The following PLEKHH2 variants were observed in gnomAD, a reference collection of about 807,000 sequenced individuals.
The protein encoded by PLEKHH2 is pleckstrin homology domain-containing family H member 2.
PLEKHH2 carries 129 observed loss-of-function variants against 187.9 expected under a neutral mutation model. The observed-to-expected ratio is 0.69, with a 90% confidence interval of 0.59 to 0.79. PLEKHH2 has a LOEUF of 0.79. Ranked by LOEUF, PLEKHH2 falls within the 30% of genes least tolerant of loss-of-function variation. The pLI, the probability that PLEKHH2 is intolerant of heterozygous loss-of-function variation, is 0.00. For synonymous variants in PLEKHH2, 686 were observed against 605.6 expected, an observed-to-expected ratio of 1.13 and a Z score of -1.95; for missense variants, 2,076 against 1,751.2, an observed-to-expected ratio of 1.19 and a Z score of -3.31.
chr2:43,763,626 A>G (rs1225563514), intron 28 of PLEKHH2, among the ~76,000 whole-genome samples: 1 of 139,338 alleles, frequency 7.2e-6, no homozygotes, highest in African/African-American at 2.7e-5. Flanking sequence ...GGGTCTCCCT[A>G]TGTTGCCCAG....
At chr2:43,744,442 A>T (rs1671693018) in intron 23 of PLEKHH2, among the ~76,000 whole-genome samples, 1 of 152,246 alleles carries the variant, frequency 6.6e-6, no homozygotes, top group South Asian at 2.1e-4. Flanking sequence ...CTTTATACAC[A>T]GATAACCTTG....
intron 16 of PLEKHH2, among the ~76,000 whole-genome samples, chr2:43,724,947 A>G (rs1180533129): frequency 6.6e-6 from 1 of 152,224 alleles, no homozygotes; most frequent in Admixed American, 6.5e-5. Context: ...GGTCATGGAC[A>G]CACACAGACA....
chr2:43,651,855 T>C (rs532247622), intron 2 of PLEKHH2, among the ~76,000 whole-genome samples: 34 of 152,362 alleles, frequency 2.2e-4, no homozygotes, highest in South Asian at 1.4e-3. Flanking sequence ...TTTAAAAAGT[T>C]ATCTTCTGTT....
Position 43,710,045 on chromosome 2 carries a change from T to G in PLEKHH2, c.2022T>G (p.Ala674=), listed in dbSNP as rs1423587958. ...SESDYAIPPD[A]YSTDTEYSQP... ...GTGATTATGCTATTCCTCCTGATGC[T>G]TACTCCACAGACACGGAGTACTCAC... Residue 674 remains alanine, a synonymous_variant, in exon 12 of 30, where the codon GCT becomes GCG. Coordinates refer to ENST00000282406, the MANE Select transcript of PLEKHH2 (RefSeq NM_172069.4). 1.9e-6 allele frequency: 3 copies of G among 1,612,632 alleles called. No individual in the cohort carries two copies. The highest frequency in any genetic ancestry group is 1.7e-5 in the Admixed American group (1 of 59,954).
chr2:43,727,185 G>A (rs144975807), intron 17 of PLEKHH2, among the ~76,000 whole-genome samples: 1,906 of 152,214 alleles, frequency 0.013, 46 homozygotes, highest in African/African-American at 0.042. Context: ...AGGCCGAGGC[G>A]GGTGGATCAC....
intron 2 of PLEKHH2, among the ~76,000 whole-genome samples, chr2:43,654,022 G>A (rs7594100): frequency 0.37 from 56,115 of 151,910 alleles, 10,662 homozygotes; most frequent in Non-Finnish European, 0.41. Context: ...AGAACAGAGA[G>A]CTAAATCCTC....
intron 19 of PLEKHH2, among the ~76,000 whole-genome samples, chr2:43,732,631 T>C (rs1671095653): frequency 6.6e-6 from 1 of 152,212 alleles, no homozygotes; most frequent in African/African-American, 2.4e-5. Context: ...CTACAAGCTC[T>C]TATATTTTTT....
At chr2:43,731,870 C>T (rs1194505601) in intron 19 of PLEKHH2, among the ~76,000 whole-genome samples, 1 of 151,992 alleles carries the variant, frequency 6.6e-6, no homozygotes, top group Non-Finnish European at 1.5e-5. Context: ...AATCATTTCC[C>T]CTTTAACCTC....
chr2:43,720,584 A>C, intron 15 of PLEKHH2, 85 bp from the exon 16 acceptor site: 2 of 1,563,020 alleles, frequency 1.3e-6, no homozygotes, highest in Non-Finnish European at 8.6e-7. Flanking sequence ...GGATGCCTAT[A>C]GAAACTCAAA....
intron 11 of PLEKHH2, among the ~76,000 whole-genome samples, chr2:43,708,096 A>G (rs1669751051): frequency 6.6e-6 from 1 of 152,122 alleles, no homozygotes; most frequent in Admixed American, 6.5e-5. Context: ...TGGCTTTCAA[A>G]CTGTGTTCCA....
At chr2:43,683,374 G>T (rs1011894422) in intron 3 of PLEKHH2, among the ~76,000 whole-genome samples, 2 of 151,774 alleles carry the variant, frequency 1.3e-5, no homozygotes, top group Non-Finnish European at 2.9e-5. Flanking sequence ...CCTGATTTCA[G>T]GTGATCCGCC....
At chr2:43,725,309 T>C (rs1231734013) in intron 16 of PLEKHH2, among the ~76,000 whole-genome samples, 1 of 152,212 alleles carries the variant, frequency 6.6e-6, no homozygotes, top group Non-Finnish European at 1.5e-5. Context: ...CTAGTCTGCT[T>C]TTAGCTTCTC....
At chr2:43,694,957 A>G (rs899614438) in intron 5 of PLEKHH2, among the ~76,000 whole-genome samples, 186 bp from the exon 6 acceptor site, 1 of 152,168 alleles carries the variant, frequency 6.6e-6, no homozygotes, top group African/African-American at 2.4e-5. Context: ...GTAAATATTG[A>G]TACCATAATT....
rs192904975 is a variant in PLEKHH2, at chr2:43,725,887, G to T, written c.2542-385G>T. On this transcript the variant is annotated intron_variant, in intron 16 of 29. Coordinates refer to ENST00000282406, the MANE Select transcript of PLEKHH2 (RefSeq NM_172069.4). ...GCACTTTGGGAGGCTGAGGCAGGAG[G>T]ATTCTTTCAGCCCAGGAGTCTGAGA... 3.6e-3 allele frequency among the ~76,000 whole-genome samples: 543 copies of T among 152,164 alleles called. 1 individual carries two copies. Among genetic ancestry groups the T allele is most frequent in the Non-Finnish European group, 4.1e-3 (278 of 67,996 alleles).
At chr2:43,736,927 T>C (rs1223196740) in intron 19 of PLEKHH2, among the ~76,000 whole-genome samples, 4 of 152,082 alleles carry the variant, frequency 2.6e-5, no homozygotes, top group Non-Finnish European at 5.9e-5. Flanking sequence ...CTGATAAGCA[T>C]GTGTGTATGT....
At chr2:43,760,184 T>C (rs181767953) in intron 27 of PLEKHH2, among the ~76,000 whole-genome samples, 195 of 152,266 alleles carry the variant, frequency 1.3e-3, no homozygotes, top group Middle Eastern at 3.4e-3. Context: ...TCTGATAAAA[T>C]GTGCTTGCTG....
intron 24 of PLEKHH2, among the ~76,000 whole-genome samples, chr2:43,746,969 C>CAA (rs571694640): frequency 7.3e-6 from 1 of 137,056 alleles, no homozygotes; most frequent in African/African-American, 2.7e-5. Flanking sequence ...GACTCTGTCT[C>CAA]AAAAAAAAAA....
rs141534535 is a variant in PLEKHH2 at position 43,756,264 on chromosome 2, CA to C, written c.3796-850del. 7.3e-3 allele frequency among the ~76,000 whole-genome samples: 1,112 copies of C among 152,096 alleles called. 15 individuals are homozygous for C. Among genetic ancestry groups the C allele is most frequent in the African/African-American group, 0.025 (1,046 of 41,512 alleles). On this transcript the variant is annotated intron_variant, in intron 25 of 29. Coordinates refer to ENST00000282406, the MANE Select transcript of PLEKHH2 (RefSeq NM_172069.4). ...TCCCATTACATTCAGGAGAGACCCT[CA>C]AAAAGTCCAACTAATAGTTTTTTGA...
At chr2:43,736,769 G>T (rs746696690) in intron 19 of PLEKHH2, among the ~76,000 whole-genome samples, 1 of 152,104 alleles carries the variant, frequency 6.6e-6, no homozygotes, top group Admixed American at 6.6e-5. Context: ...GGAGGCAGAA[G>T]TTGCGCTGAG....
Sources: gnomAD v4.1 joint callset for allele counts (sites outside exome capture counted in the v4.1 genomes callset) on GRCh38, gnomAD v4.1.1 for gene constraint, MANE v1.5 for transcripts, NCBI Gene and HGNC (gene_info 2026-07-23, HGNC 2026-07-21) for gene names.